TRPC4AP: variants seen among roughly 807,000 people sequenced by gnomAD.
TRPC4AP encodes transient receptor potential cation channel subfamily C member 4 associated protein, also known as short transient receptor potential channel 4-associated protein.
Under a neutral mutation model 99.0 loss-of-function variants are expected in TRPC4AP, and 45 were observed. The ratio of observed to expected loss-of-function variants is 0.45; its 90% CI spans 0.36 to 0.58. TRPC4AP has a LOEUF of 0.58. TRPC4AP is among the 20% of genes least tolerant of loss of function. TRPC4AP has a pLI of 0.00. For missense variants in TRPC4AP, 879 were observed against 985.3 expected (o/e 0.89, Z 1.44); for synonymous variants, 408 against 385.8 (o/e 1.06, Z -0.67).
chr20:35,078,961 G>C (rs956645263), intron 1 of TRPC4AP, among the ~76,000 whole-genome samples: 1 of 152,186 alleles, frequency 6.6e-6, no homozygotes, highest in African/African-American at 2.4e-5. Flanking sequence ...AGCTACTCGG[G>C]AGGCTGAGGC....
At chr20:35,092,414 CCT>C (rs1600685849) in intron 1 of TRPC4AP, among the ~76,000 whole-genome samples, 198 bp downstream of exon 1, 1 of 152,356 alleles carries the variant, frequency 6.6e-6, no homozygotes, top group African/African-American at 2.4e-5. Flanking sequence ...CCGCTCGGCC[CCT>C]GACAAGGGAC....
chr20:35,012,934 G>C, intron 11 of TRPC4AP, 74 bp downstream of exon 11: 1 of 1,508,764 alleles, frequency 6.6e-7, no homozygotes, highest in Non-Finnish European at 9.2e-7. Context: ...CTGAGGTCAG[G>C]GACCAGACAA....
At chr20:35,073,525 A>G (rs2084382874) in intron 2 of TRPC4AP, among the ~76,000 whole-genome samples, 1 of 152,102 alleles carries the variant, frequency 6.6e-6, no homozygotes, top group Non-Finnish European at 1.5e-5. Context: ...TTCTGCACCT[A>G]TTATCATGTG....
chr20:35,010,492 C>T (rs2082609989), intron 11 of TRPC4AP, among the ~76,000 whole-genome samples: 3 of 152,002 alleles, frequency 2.0e-5, no homozygotes, highest in Non-Finnish European at 4.4e-5. Context: ...TCTCCCTGGC[C>T]CCACCCCCAT....
At chr20:35,092,588 C>T in intron 1 of TRPC4AP, 26 bp downstream of exon 1, 1 of 1,463,616 alleles carries the variant, frequency 6.8e-7, no homozygotes, top group Non-Finnish European at 8.9e-7. Context: ...CCGCCCCGCC[C>T]CGCCCCTCCT....
chr20:35,034,521 T>C (rs1049067939), intron 8 of TRPC4AP, among the ~76,000 whole-genome samples: 1 of 151,930 alleles, frequency 6.6e-6, no homozygotes, highest in Non-Finnish European at 1.5e-5. Flanking sequence ...AATTTGGAGC[T>C]GGAGGGAAGA....
chr20:35,010,407 G>T, intron 11 of TRPC4AP, 119 bp from the exon 12 acceptor site: 1 of 778,864 alleles, frequency 1.3e-6, no homozygotes. Flanking sequence ...GAAGCCACCA[G>T]GCACTTTCCT....
chr20:35,071,219 C>A (rs572553804), intron 2 of TRPC4AP, among the ~76,000 whole-genome samples: 88 of 152,236 alleles, frequency 5.8e-4, no homozygotes, highest in African/African-American at 2.0e-3. Flanking sequence ...CTCTGAAGAA[C>A]ACTGTCATTC....
Position 35,069,424 on chromosome 20 carries a change from A to T in TRPC4AP, c.298-12T>A, listed in dbSNP as rs74605061. ...AGAGGAGAAATTTCCTAGTTTTTTT[A>T]AAAAAAAGTACATACATTGTTTTAG... On this transcript the variant is annotated splice_polypyrimidine_tract_variant and intron_variant, in intron 2 of 18. Coordinates refer to ENST00000252015, the MANE Select transcript of TRPC4AP (RefSeq NM_015638.3). The T allele has an allele frequency of 6.2e-3, 9,366 of 1,501,922 alleles. 165 individuals carry two copies. Among genetic ancestry groups the T allele is most frequent in the African/African-American group, 0.053 (3,825 of 71,902 alleles). 93.0% of individuals were successfully genotyped at this position (1,501,922 alleles called of 1,614,324 possible).
At chr20:35,021,995 T>C (rs183692655) in intron 8 of TRPC4AP, among the ~76,000 whole-genome samples, 1 of 152,336 alleles carries the variant, frequency 6.6e-6, no homozygotes, top group Admixed American at 6.5e-5. Flanking sequence ...TATGGGACAC[T>C]TGATATGTGT....
At chr20:35,023,310 C>T (rs1387795184) in intron 8 of TRPC4AP, among the ~76,000 whole-genome samples, 2 of 152,124 alleles carry the variant, frequency 1.3e-5, no homozygotes, top group African/African-American at 2.4e-5. Flanking sequence ...CATACCTACC[C>T]CTTAATGTTG....
intron 8 of TRPC4AP, chr20:35,030,491 A>G (rs1378590658): frequency 6.6e-6 from 1 of 152,116 alleles, no homozygotes; most frequent in Non-Finnish European, 1.5e-5. Flanking sequence ...TGCATATTGT[A>G]TCTATGTATG....
chr20:35,037,346 CAAAAAAAAAAA>C (rs71196778), intron 7 of TRPC4AP, among the ~76,000 whole-genome samples: 1 of 78,964 alleles, frequency 1.3e-5, no homozygotes, highest in Non-Finnish European at 2.4e-5. Flanking sequence ...GACTCTGTCT[CAAAAAAAAAAA>C]AAAAAAAAAA....
At position 35,003,502 on chromosome 20, in the gene TRPC4AP, G is replaced by A; in HGVS notation, c.2164C>T (p.Pro722Ser). The change falls in exon 18 of 19, where the codon CCC (proline) becomes TCC (serine). Residue 722 changes from proline to serine, a missense_variant. Pro to Ser is a moderately conservative substitution (Grantham distance 74). This residue lies in a region of TRPC4AP where 224 missense variants were observed against 264.7 expected (regional missense o/e 0.85). Transcript: ENST00000252015. The stretch of plus-strand genomic sequence containing the variant: ...TGGAAGTTGTTGAGCAGGAAGCCGG[G>A]GTACTTCTTGCTGTGCTCCATCCGC... ...LQRMEHSKKYPGFLLNNFHNL... is the reference protein window; with the variant it reads ...LQRMEHSKKYSGFLLNNFHNL... 3.1e-6 allele frequency: 5 copies of A among 1,614,074 alleles called. No individual in the cohort carries two copies. Among genetic ancestry groups the A allele is most frequent in the Admixed American group, 1.7e-5 (1 of 60,028 alleles).
intron 3 of TRPC4AP, among the ~76,000 whole-genome samples, chr20:35,061,721 A>G (rs2084013755): frequency 6.6e-6 from 1 of 152,232 alleles, no homozygotes; most frequent in African/African-American, 2.4e-5. Flanking sequence ...CAAATGGATC[A>G]AAGATCTAAA....
At chr20:35,010,138 C>T (rs747014645) in intron 12 of TRPC4AP, 49 bp downstream of exon 12, 24 of 1,550,328 alleles carry the variant, frequency 1.5e-5, no homozygotes, top group Admixed American at 8.4e-5. Flanking sequence ...CCCCGGGGAA[C>T]GTGGGCAGCC....
In TRPC4AP at chr20:35,003,472, G is replaced by A. The variant is rs1190089682; in HGVS notation, c.2194C>T (p.Leu732=). The A allele has an allele frequency of 1.2e-6, 2 of 1,614,142 alleles. No homozygotes were observed. Among genetic ancestry groups the A allele is most frequent in the South Asian group, 1.1e-5 (1 of 91,088 alleles). Reference sequence around the variant, plus strand: ...TAGTGCTGCTGCCAGAAGCGCAGCAGGTTGTGGAAGTTGTTGAGCAGGAAG... The same window carrying A: ...TAGTGCTGCTGCCAGAAGCGCAGCAAGTTGTGGAAGTTGTTGAGCAGGAAG... ...PGFLLNNFHN[L]LRFWQQHYLH... is the part of the protein sequence containing the mutation. The change falls in exon 18 of 19, where the codon CTG becomes TTG. Residue 732 remains leucine (L), a synonymous_variant. Coordinates refer to ENST00000252015, the MANE Select transcript of TRPC4AP (RefSeq NM_015638.3).
At chr20:35,084,943 G>A (rs2084796163) in intron 1 of TRPC4AP, among the ~76,000 whole-genome samples, 1 of 152,122 alleles carries the variant, frequency 6.6e-6, no homozygotes, top group South Asian at 2.1e-4. Flanking sequence ...CCAAAGCTGT[G>A]ATATAACTAC....
At chr20:35,079,345 A>C (rs995863169) in intron 1 of TRPC4AP, among the ~76,000 whole-genome samples, 7 of 152,254 alleles carry the variant, frequency 4.6e-5, no homozygotes, top group Non-Finnish European at 1.0e-4. Flanking sequence ...TTTTAAACTA[A>C]ATGAAAATAT....
Sources: gnomAD v4.1 joint callset for allele counts (sites outside exome capture counted in the v4.1 genomes callset) on GRCh38, gnomAD v4.1.1 for gene constraint, gnomAD v4.1.1 regional missense constraint, MANE v1.5 for transcripts, NCBI Gene and HGNC (gene_info 2026-07-23, HGNC 2026-07-21) for gene names.